SLC7A1: variants seen among roughly 807,000 people sequenced by gnomAD.
SLC7A1 encodes the protein solute carrier family 7 member 1, also known as high affinity cationic amino acid transporter 1.
Under a neutral mutation model 53.9 loss-of-function variants are expected in SLC7A1, and 10 were observed. That is an observed-to-expected ratio of 0.19 (90% CI 0.11 to 0.31). The LOEUF is 0.31. SLC7A1 is among the 10% of genes least tolerant of loss of function. The pLI, the probability that SLC7A1 is intolerant of heterozygous loss-of-function variation, is 1.00. For missense variants in SLC7A1, 525 were observed against 827.2 expected, an observed-to-expected ratio of 0.63 and a Z score of 4.48; for synonymous variants, 342 against 338.7, an observed-to-expected ratio of 1.01 and a Z score of -0.11.
chr13:29,571,134 A>C lies in SLC7A1; in HGVS notation c.-114-17274T>G, dbSNP rs113267797. The stretch of plus-strand genomic sequence containing the variant: ...TATGAAGGTATTAGGTTGGTGCAAA[A>C]ATAATTGCAGTTTTTGCCATTAAAA... On this transcript the variant is annotated intron_variant, in intron 1 of 12. Transcript: ENST00000380752. Among the ~76,000 whole-genome samples, 526 of 152,366 alleles carry C rather than the reference A, an allele frequency of 3.5e-3. 4 individuals carry two copies. The highest frequency in any genetic ancestry group is 0.012 in the African/African-American group (493 of 41,582).
intron 1 of SLC7A1, among the ~76,000 whole-genome samples, chr13:29,564,078 A>G (rs1870872010): frequency 1.3e-5 from 2 of 152,192 alleles, no homozygotes; most frequent in African/African-American, 4.8e-5. Context: ...CTAACACAGG[A>G]AAATAGTGGG....
chr13:29,548,899 G>T (rs1047678183), intron 2 of SLC7A1, among the ~76,000 whole-genome samples: 3 of 152,140 alleles, frequency 2.0e-5, no homozygotes, highest in African/African-American at 7.2e-5. Context: ...ACCAGGAAAC[G>T]CCACATTTTA....
At chr13:29,546,236 C>CT (rs1409263242) in intron 2 of SLC7A1, among the ~76,000 whole-genome samples, 1 of 152,198 alleles carries the variant, frequency 6.6e-6, no homozygotes, top group Non-Finnish European at 1.5e-5. Flanking sequence ...ACGAAACAGG[C>CT]TTTAAGTTCC....
At chr13:29,549,905 C>G (rs1310137778) in intron 2 of SLC7A1, among the ~76,000 whole-genome samples, 1 of 152,160 alleles carries the variant, frequency 6.6e-6, no homozygotes, top group East Asian at 1.9e-4. Flanking sequence ...CCAAGTGATC[C>G]ACCCACCTCA....
At chr13:29,518,670 G>A (rs931847586) in intron 9 of SLC7A1, among the ~76,000 whole-genome samples, 13 of 152,100 alleles carry the variant, frequency 8.5e-5, no homozygotes, top group African/African-American at 2.7e-4. Flanking sequence ...GGCTCAGCCC[G>A]GGTTTTATGT....
At chr13:29,522,043 T>A (rs1868652175) in intron 8 of SLC7A1, among the ~76,000 whole-genome samples, 1 of 152,062 alleles carries the variant, frequency 6.6e-6, no homozygotes, top group African/African-American at 2.4e-5. Flanking sequence ...GGAGAAAAGG[T>A]TTTCGAATAC....
At chr13:29,572,071 C>T (rs1871218809) in intron 1 of SLC7A1, among the ~76,000 whole-genome samples, 1 of 152,240 alleles carries the variant, frequency 6.6e-6, no homozygotes, top group Non-Finnish European at 1.5e-5. Context: ...TGGCCAGTGG[C>T]CAAGGAGGCA....
chr13:29,543,833 G>T (rs553369200), intron 2 of SLC7A1, among the ~76,000 whole-genome samples: 2 of 152,016 alleles, frequency 1.3e-5, no homozygotes, highest in Admixed American at 1.3e-4. Context: ...GGTTCTGCAG[G>T]AGGACAGAGT....
chr13:29,523,317 T>G lies in SLC7A1; in HGVS notation c.998A>C (p.Glu333Ala), dbSNP rs976905614. Residue 333 changes from glutamate to alanine, a missense_variant, in exon 7 of 13, where the codon GAA becomes GCA. Transcript: ENST00000380752. ...LPDAFKHVGW[E>A]GAKYAVAVGS... ...CACGGCCACTGCGTACTTGGCACCT[T>G]CCCAGCCCACGTGCTTAAAGGCGTC... 1 of 1,613,640 alleles carries G rather than the reference T, an allele frequency of 6.2e-7. No homozygotes were observed. Among genetic ancestry groups the G allele is most frequent in the African/African-American group, 1.3e-5 (1 of 74,874 alleles).
At chr13:29,595,075 C>T (rs1872255062) in intron 1 of SLC7A1, among the ~76,000 whole-genome samples, 2 of 152,134 alleles carry the variant, frequency 1.3e-5, no homozygotes, top group Non-Finnish European at 2.9e-5. Context: ...CCACCCCGTG[C>T]GTAGCGGCGC....
At chr13:29,574,103 C>T (rs1189624648) in intron 1 of SLC7A1, among the ~76,000 whole-genome samples, 1 of 152,162 alleles carries the variant, frequency 6.6e-6, no homozygotes, top group Non-Finnish European at 1.5e-5. Flanking sequence ...AGGACTGAGA[C>T]AAAATCAGGA....
At chr13:29,533,512 A>T (rs1869269580) in intron 3 of SLC7A1, among the ~76,000 whole-genome samples, 1 of 152,168 alleles carries the variant, frequency 6.6e-6, no homozygotes, top group Non-Finnish European at 1.5e-5. Flanking sequence ...GGGCCCTAGG[A>T]AGTCCTTGAA....
At chr13:29,541,686 TGAA>T in intron 2 of SLC7A1, among the ~76,000 whole-genome samples, 1 of 152,352 alleles carries the variant, frequency 6.6e-6, no homozygotes, top group Non-Finnish European at 1.5e-5. Flanking sequence ...TCACTAATGT[TGAA>T]TACAGTTTAA....
chr13:29,576,293 T>TAAAAA (rs3069134), intron 1 of SLC7A1, among the ~76,000 whole-genome samples: 52 of 124,954 alleles, frequency 4.2e-4, no homozygotes, highest in Admixed American at 1.2e-3. Flanking sequence ...TCCTGTTTTT[T>TAAAAA]AAAAAAAAAA....
Position 29,530,537 on chromosome 13 carries a change from C to G in SLC7A1, c.704+1G>C. The stretch of plus-strand genomic sequence containing the variant: ...AAAAATGGTCAGAAGCAGCAACTCA[C>G]TTGTTCAAACAGAGACGGCCTGATG... On this transcript the variant is annotated splice_donor_variant, in intron 5 of 12. Transcript: ENST00000380752. LOFTEE classifies it high-confidence loss of function. The G allele has an allele frequency of 6.2e-7, 1 of 1,613,626 alleles. No homozygotes were observed. The highest frequency in any genetic ancestry group is 8.5e-7 in the Non-Finnish European group (1 of 1,179,692).
At chr13:29,545,955 C>T (rs1869902069) in intron 2 of SLC7A1, among the ~76,000 whole-genome samples, 1 of 152,198 alleles carries the variant, frequency 6.6e-6, no homozygotes, top group South Asian at 2.1e-4. Context: ...CATCATCACT[C>T]GGGAGGGCGG....
chr13:29,590,632 G>C (rs1872069579), intron 1 of SLC7A1, among the ~76,000 whole-genome samples: 1 of 152,112 alleles, frequency 6.6e-6, no homozygotes, highest in South Asian at 2.1e-4. Flanking sequence ...CCTTCCCTCA[G>C]ACCTGGGACC....
intron 1 of SLC7A1, among the ~76,000 whole-genome samples, chr13:29,588,508 C>CTTT (rs60989447): frequency 5.5e-5 from 8 of 144,168 alleles, no homozygotes; most frequent in Non-Finnish European, 7.6e-5. Context: ...TCTTTTCTTT[C>CTTT]TTTTTTTTTT....
chr13:29,589,645 G>A (rs967628577), intron 1 of SLC7A1, among the ~76,000 whole-genome samples: 3 of 152,208 alleles, frequency 2.0e-5, no homozygotes, highest in South Asian at 4.1e-4. Context: ...GCGTTGGGGC[G>A]GGTGACCGGT....
Sources: allele counts gnomAD v4.1 joint callset (sites outside exome capture counted in the v4.1 genomes callset), GRCh38; gene constraint gnomAD v4.1.1; transcripts MANE v1.5; gene names NCBI Gene and HGNC (gene_info 2026-07-23, HGNC 2026-07-21).